CEP152: variants seen among roughly 807,000 people sequenced by gnomAD.
CEP152 encodes centrosomal protein of 152 kDa.
A neutral mutation model predicts 188.9 loss-of-function variants in CEP152; 132 were observed. The observed-to-expected ratio is 0.70, with a 90% CI of 0.61 to 0.81. The LOEUF (loss-of-function observed/expected upper bound fraction) is 0.81, where lower values mean the gene tolerates loss of function less well. Ranked by LOEUF, CEP152 falls within the 30% of genes least tolerant of loss-of-function variation. The probability of loss-of-function intolerance (pLI) is 0.00; values close to 1 mark genes in which losing one functional copy is unlikely to be tolerated. For missense variants in CEP152, 1,914 were observed against 1,969.8 expected (o/e 0.97, Z 0.54); for synonymous variants, 649 against 666.6 (o/e 0.97, Z 0.41).
At position 48,796,179 on chromosome 15, in the gene CEP152, C is replaced by G; in HGVS notation, c.541-19G>C. 1 of 1,612,728 alleles carries G rather than the reference C, an allele frequency of 6.2e-7. No homozygotes were observed. The highest frequency in any genetic ancestry group is 8.5e-7 in the Non-Finnish European group (1 of 1,179,322). ...TGGGACCCTGTGATAACAAATGAAA[C>G]TGACAATTAAGATTTGGCCTTTTCT... On this transcript the variant is annotated intron_variant, in intron 5 of 26. Transcript: ENST00000380950.
chr15:48,786,385 C>CA (rs11443555), intron 9 of CEP152, among the ~76,000 whole-genome samples: 147,144 of 150,400 alleles, frequency 0.98, 72,049 homozygotes, highest in East Asian at 1. Context: ...GAAAATCAGC[C>CA]AAAAAAAAAG....
chr15:48,750,756 T>G (rs1893808257), intron 21 of CEP152, among the ~76,000 whole-genome samples: 2 of 152,162 alleles, frequency 1.3e-5, no homozygotes, highest in Non-Finnish European at 1.5e-5. Context: ...TATAGAGTAT[T>G]AAACTATTTT....
chr15:48,756,532 C>A lies in CEP152; in HGVS notation c.2716G>T (p.Ala906Ser). 3 of 1,607,154 alleles carry A rather than the reference C, an allele frequency of 1.9e-6. No individual in the cohort carries two copies. The highest frequency in any genetic ancestry group is 2.5e-6 in the Non-Finnish European group (3 of 1,179,854). The change falls in exon 20 of 27, where the codon GCT becomes TCT. Residue 906 changes from alanine (A) to serine (S), a missense_variant. Ala to Ser is a moderately conservative substitution (Grantham distance 99, BLOSUM62 1). Coordinates refer to ENST00000380950, the MANE Select transcript of CEP152 (RefSeq NM_001194998.2). The stretch of plus-strand genomic sequence containing the variant: ...AGCTCACTCTTCCATTTCTCTTTAG[C>A]TTCAGAAACAGCAAATGATATCTAA... The part of the protein sequence containing the change: ...NKRISFAVSE[A>S]KEKWKSELEN...
chr15:48,791,797 G>A (rs1897002777), intron 7 of CEP152, among the ~76,000 whole-genome samples: 1 of 151,428 alleles, frequency 6.6e-6, no homozygotes, highest in South Asian at 2.1e-4. Context: ...GATTACAGGC[G>A]TGAGCCACCT....
chr15:48,784,077 T>C lies in CEP152; in HGVS notation c.1217A>G (p.Glu406Gly). Reference sequence around the variant, plus strand: ...TAACTTGATTGCTTCTTGATTCCTTTCCAGTTGTTTCACGTGATCTTTCAG... The same window carrying C: ...TAACTTGATTGCTTCTTGATTCCTTCCCAGTTGTTTCACGTGATCTTTCAG... ...SRLKDHVKQL[E>G]RNQEAIKLEK... Residue 406 changes from glutamate to glycine, a missense_variant, in exon 10 of 27, where the codon GAA becomes GGA. Transcript: ENST00000380950. 5.6e-6 allele frequency: 9 copies of C among 1,613,802 alleles called. No homozygotes were observed. Among genetic ancestry groups the C allele is most frequent in the Non-Finnish European group, 7.6e-6 (9 of 1,179,856 alleles).
In CEP152 at chr15:48,767,174, C is replaced by T; in HGVS notation, c.2166G>A (p.Leu722=). 6.2e-7 allele frequency: 1 copy of T among 1,613,842 alleles called. No individual in the cohort carries two copies. The change falls in exon 17 of 27, where the codon TTG becomes TTA. Residue 722 remains leucine, a synonymous_variant. Coordinates refer to ENST00000380950, the MANE Select transcript of CEP152 (RefSeq NM_001194998.2). The stretch of plus-strand genomic sequence containing the variant: ...CCTGCACAGCAGTCACCTCCTTATT[C>T]AACTTATCCAACTCAGACCTTGGAT... The part of the protein sequence containing the change: ...HLQLRSELDK[L]NKEVTAVQEC...
At chr15:48,809,714 A>C (rs1323070137) in intron 1 of CEP152, among the ~76,000 whole-genome samples, 1 of 152,222 alleles carries the variant, frequency 6.6e-6, no homozygotes, top group African/African-American at 2.4e-5. Flanking sequence ...AGGATTCACA[A>C]GATACTACAT....
rs115832709 is a variant in CEP152 at position 48,755,923 on chromosome 15, C to G, written c.3325G>C (p.Ala1109Pro). 1,033 of 1,613,766 alleles carry G rather than the reference C, an allele frequency of 6.4e-4. 7 individuals carry two copies. In the African/African-American group the frequency reaches 0.013, roughly 20 times the overall value. The change falls in exon 20 of 27, where the codon GCT becomes CCT. Residue 1109 changes from alanine (A) to proline (P), a missense_variant. Coordinates refer to ENST00000380950, the MANE Select transcript of CEP152 (RefSeq NM_001194998.2). ...QDTLPLLVEN[A>P]DPEWKKRNMA... Reference sequence around the variant, plus strand: ...CATACCTTTTTCCATTCTGGGTCAGCGTTTTCTACAAGCAGAGGAAGTGTA... The same window carrying G: ...CATACCTTTTTCCATTCTGGGTCAGGGTTTTCTACAAGCAGAGGAAGTGTA...
chr15:48,784,811 G>A (rs1237476358), intron 9 of CEP152, among the ~76,000 whole-genome samples: 1 of 152,186 alleles, frequency 6.6e-6, no homozygotes, highest in East Asian at 1.9e-4. Flanking sequence ...GTGCATGTGT[G>A]TAACTATATG....
intron 12 of CEP152, among the ~76,000 whole-genome samples, chr15:48,775,224 A>G (rs1277873530): frequency 1.3e-5 from 2 of 152,058 alleles, no homozygotes; most frequent in Non-Finnish European, 2.9e-5. Flanking sequence ...AGAGACAGAA[A>G]AGGTATTTAA....
At chr15:48,769,136 T>C in intron 13 of CEP152, 55 bp from the exon 14 acceptor site, 1 of 1,421,006 alleles carries the variant, frequency 7.0e-7, no homozygotes, top group Admixed American at 1.8e-5. Flanking sequence ...TAAGTTTCAC[T>C]TTGAAATACT....
chr15:48,742,164 G>A (rs1595588759), intron 24 of CEP152, 64 bp from the exon 25 acceptor site: 1 of 1,453,428 alleles, frequency 6.9e-7, no homozygotes, highest in African/African-American at 1.4e-5. Context: ...AGAAACAGGA[G>A]GGGCAGACTT....
At chr15:48,749,158 C>A (rs1893692447) in intron 21 of CEP152, among the ~76,000 whole-genome samples, 1 of 151,734 alleles carries the variant, frequency 6.6e-6, no homozygotes, top group Admixed American at 6.6e-5. Flanking sequence ...TGAGTCATAC[C>A]AATAATTTTA....
In CEP152 at chr15:48,739,422, C is replaced by T. The variant is rs1892806455; in HGVS notation, c.4094-134G>A. The T allele has an allele frequency of 3.9e-6, 5 of 1,298,382 alleles. No individual in the cohort carries two copies. In the East Asian group the frequency reaches 8.1e-5, roughly 21 times the overall value. 80.4% of individuals were successfully genotyped at this position (1,298,382 alleles called of 1,614,324 possible). On this transcript the variant is annotated intron_variant, in intron 26 of 26. Transcript: ENST00000380950. ...TTTTATACTGTATTCCCAAAGAATG[C>T]TTATATACTGTAATAATTCTTAAAG...
chr15:48,807,054 C>T (rs371162639), intron 1 of CEP152, among the ~76,000 whole-genome samples: 2 of 152,094 alleles, frequency 1.3e-5, no homozygotes, highest in East Asian at 3.9e-4. Flanking sequence ...CTTCTAATCC[C>T]TTCCTCTCTG....
intron 23 of CEP152, 134 bp from the exon 24 acceptor site, chr15:48,744,477 C>T (rs2140583662): frequency 2.1e-6 from 3 of 1,445,764 alleles, no homozygotes. Context: ...ACAATCTCCA[C>T]TATACAGTTA....
At chr15:48,761,489 T>C (rs1894684891) in intron 18 of CEP152, among the ~76,000 whole-genome samples, 1 of 152,168 alleles carries the variant, frequency 6.6e-6, no homozygotes, top group Non-Finnish European at 1.5e-5. Context: ...GTCTGTGAGG[T>C]CAAAACTTTT....
chr15:48,797,379 G>A lies in CEP152; in HGVS notation c.462C>T (p.Thr154=). The change falls in exon 5 of 27, where the codon ACC becomes ACT. Residue 154 remains threonine, a synonymous_variant. Transcript: ENST00000380950. ...YHLPENFRPY[T]NGQKQEFNNQ... is the part of the protein sequence containing the mutation. ...TATTAAATTCCTGCTTCTGACCATT[G>A]GTATATGGCCTAAAGTTTTCAGGAA... 6.2e-7 allele frequency: 1 copy of A among 1,613,956 alleles called. No homozygotes were observed. The highest frequency in any genetic ancestry group is 2.2e-5 in the East Asian group (1 of 44,870).
chr15:48,794,255 AAG>A (rs1897161294), intron 6 of CEP152, among the ~76,000 whole-genome samples: 1 of 152,054 alleles, frequency 6.6e-6, no homozygotes, highest in Non-Finnish European at 1.5e-5. Flanking sequence ...CCACTTTAAA[AAG>A]AGAAAAAAAA....
Sources: allele counts gnomAD v4.1 joint callset (sites outside exome capture counted in the v4.1 genomes callset), GRCh38; gene constraint gnomAD v4.1.1; transcripts MANE v1.5; gene names NCBI Gene and HGNC (gene_info 2026-07-23, HGNC 2026-07-21).